The following HIVEP1 variants were observed in gnomAD, a reference collection of about 807,000 sequenced individuals.
HIVEP1 encodes the protein zinc finger protein 40.
In HIVEP1, 36 loss-of-function variants were observed where a neutral mutation model predicts 180.0. The ratio of observed to expected loss-of-function variants is 0.20; its 90% CI spans 0.15 to 0.26. The LOEUF (loss-of-function observed/expected upper bound fraction) is 0.26. Ranked by LOEUF, HIVEP1 falls within the 10% of genes least tolerant of loss-of-function variation. HIVEP1 has a pLI of 1.00. For synonymous variants in HIVEP1, 1,239 were observed against 1,239.0 expected (o/e 1.00, Z 0.00); for missense variants, 3,143 against 3,268.7 (o/e 0.96, Z 0.94).
chr6:12,195,978 G>A, the HIVEP1 span, among the ~76,000 whole-genome samples: 4 of 152,220 alleles, frequency 2.6e-5, no homozygotes, highest in South Asian at 8.3e-4. Context: ...AGGGTAAGGG[G>A]AGTTCAGCCA....
Position 12,158,700 on chromosome 6 carries a change from C to G in HIVEP1, c.6488-2739C>G, listed in dbSNP as rs189964144. Among the ~76,000 whole-genome samples, 9 of 152,244 alleles carry G rather than the reference C, an allele frequency of 5.9e-5. No homozygotes were observed. The East Asian group carries it at 1.5e-3, about 26-fold the overall frequency. On this transcript the variant is annotated intron_variant, in intron 7 of 8. Transcript: ENST00000379388. ...GTTTCTGTGTAATCCTGTCCCTCCCCAAGGAGACAGGTTGTATGTGTATGT... is the reference window on the plus strand; with the variant it reads ...GTTTCTGTGTAATCCTGTCCCTCCCGAAGGAGACAGGTTGTATGTGTATGT...
At chr6:12,009,120 T>TGGCGGCGGTGGCGGCGGC (rs1767149268), upstream of HIVEP1, among the ~76,000 whole-genome samples, 2 of 145,980 alleles carry the variant, frequency 1.4e-5, no homozygotes, top group African/African-American at 2.5e-5. Context: ...CGCGTGGCGG[T>TGGCGGCGGTGGCGGCGGC]GGCGGCGGCG....
At chr6:12,179,059 G>A in the HIVEP1 span, among the ~76,000 whole-genome samples, 1,852 of 152,166 alleles carry the variant, frequency 0.012, 29 homozygotes, top group African/African-American at 0.042. Context: ...TGATGGAGTC[G>A]TATATCTCTA....
intron 3 of HIVEP1, among the ~76,000 whole-genome samples, chr6:12,101,749 G>C (rs1774126533): frequency 6.6e-6 from 1 of 151,994 alleles, no homozygotes; most frequent in African/African-American, 2.4e-5. Flanking sequence ...AAATTCAGCT[G>C]TGTCAATAAT....
chr6:12,157,594 C>CACAGTTTTTTACATTTTT (rs1185078501), intron 7 of HIVEP1, among the ~76,000 whole-genome samples: 2 of 152,124 alleles, frequency 1.3e-5, no homozygotes, highest in Admixed American at 6.5e-5. Flanking sequence ...GTGGCCATAC[C>CACAGTTTTTTACATTTTT]TTTTTACATT....
chr6:12,148,435 A>G (rs751076403), intron 7 of HIVEP1, among the ~76,000 whole-genome samples: 5 of 152,192 alleles, frequency 3.3e-5, no homozygotes, highest in Non-Finnish European at 7.4e-5. Flanking sequence ...CTGACAGTGT[A>G]TTCTCCATTT....
the HIVEP1 span, among the ~76,000 whole-genome samples, chr6:12,186,627 A>T: frequency 2.0e-3 from 307 of 152,248 alleles, no homozygotes; most frequent in Admixed American, 4.0e-3. Context: ...TCACCAGTAA[A>T]TTAACTGCCT....
chr6:12,134,467 A>T (rs547850791), intron 6 of HIVEP1, among the ~76,000 whole-genome samples: 1 of 152,348 alleles, frequency 6.6e-6, no homozygotes, highest in South Asian at 2.1e-4. Context: ...TCACAGGCTT[A>T]GTGCATTTAT....
the HIVEP1 span, among the ~76,000 whole-genome samples, chr6:12,178,223 C>T: frequency 6.6e-6 from 1 of 152,166 alleles, no homozygotes; most frequent in African/African-American, 2.4e-5. Context: ...GGATTCTCCT[C>T]CAAAACTTAT....
chr6:12,038,840 TCTCTA>T (rs1769481431), intron 2 of HIVEP1: 1 of 152,228 alleles, frequency 6.6e-6, no homozygotes, highest in Admixed American at 6.5e-5. Flanking sequence ...GAGTTTTGGA[TCTCTA>T]CTCTGCCTTT....
At chr6:12,059,230 G>A (rs2113746359) in intron 2 of HIVEP1, among the ~76,000 whole-genome samples, 1 of 152,248 alleles carries the variant, frequency 6.6e-6, no homozygotes, top group East Asian at 1.9e-4. Context: ...AAGAGATGGG[G>A]TTTTGCCATG....
intron 4 of HIVEP1, among the ~76,000 whole-genome samples, chr6:12,127,076 G>A (rs1216525323): frequency 1.3e-5 from 2 of 152,008 alleles, no homozygotes; most frequent in African/African-American, 2.4e-5. Flanking sequence ...GGCCAAGCTG[G>A]TCTTGAACTC....
At chr6:12,174,661 C>T in the HIVEP1 span, among the ~76,000 whole-genome samples, 36 of 152,256 alleles carry the variant, frequency 2.4e-4, no homozygotes, top group African/African-American at 8.2e-4. Context: ...TTGGAAGACA[C>T]AACAGATTCA....
chr6:12,107,357 T>C (rs1774497673), intron 3 of HIVEP1, among the ~76,000 whole-genome samples: 1 of 152,204 alleles, frequency 6.6e-6, no homozygotes, highest in South Asian at 2.1e-4. Flanking sequence ...TGAATGATCA[T>C]CTGAGTCTTT....
chr6:12,165,608 C>T (rs1271814406), downstream of HIVEP1, among the ~76,000 whole-genome samples: 3 of 152,164 alleles, frequency 2.0e-5, no homozygotes, highest in Non-Finnish European at 2.9e-5. Context: ...CATGGGGAGC[C>T]CCCAATTACC....
Position 12,161,448 on chromosome 6 carries a change from A to G in HIVEP1, c.6497A>G (p.Gln2166Arg), listed in dbSNP as rs28668413. 6.2e-7 allele frequency: 1 copy of G among 1,608,624 alleles called. No individual in the cohort carries two copies. The highest frequency in any genetic ancestry group is 1.1e-5 in the South Asian group (1 of 90,864). ...TGGTTGTTTTTATTAGATGAAAAAC[A>G]GAGATTCAGTTATGAGCGATCTGGA... ...EQDTEESDEK[Q>R]RFSYERSGYD... The change falls in exon 8 of 9, where the codon CAG becomes CGG. Residue 2166 changes from glutamine to arginine, a missense_variant. Gln to Arg is a conservative substitution (Grantham distance 43). Around this residue, in one of 12 missense-constraint regions of HIVEP1, gnomAD observed 126 missense variants for 168.5 expected, o/e 0.75. Coordinates refer to ENST00000379388, the MANE Select transcript of HIVEP1 (RefSeq NM_002114.4).
intron 2 of HIVEP1, among the ~76,000 whole-genome samples, chr6:12,084,608 TA>T: frequency 6.6e-6 from 1 of 152,096 alleles, no homozygotes; most frequent in Non-Finnish European, 1.5e-5. Context: ...CACTGGCATA[TA>T]ATGAGAGGAA....
At chr6:12,068,190 A>T (rs1268703588) in intron 2 of HIVEP1, among the ~76,000 whole-genome samples, 1 of 152,108 alleles carries the variant, frequency 6.6e-6, no homozygotes, top group African/African-American at 2.4e-5. Flanking sequence ...TCCTGGGTTC[A>T]AGTGATTCTC....
At chr6:12,150,394 T>G (rs888867369) in intron 7 of HIVEP1, among the ~76,000 whole-genome samples, 1 of 152,226 alleles carries the variant, frequency 6.6e-6, no homozygotes, top group Non-Finnish European at 1.5e-5. Flanking sequence ...AACCGTTTAA[T>G]ATGACGAAGT....
Sources: allele counts gnomAD v4.1 joint callset (sites outside exome capture counted in the v4.1 genomes callset), GRCh38; gene constraint gnomAD v4.1.1; regional missense constraint gnomAD v4.1.1; transcripts MANE v1.5; gene names NCBI Gene and HGNC (gene_info 2026-07-23, HGNC 2026-07-21).